Variants in CLVS1 observed in about 807,000 individuals in gnomAD.
CLVS1 encodes clavesin 1, also known as clavesin-1.
A neutral mutation model predicts 33.1 loss-of-function variants in CLVS1; 10 were observed. The ratio of observed to expected loss-of-function variants is 0.30; its 90% CI spans 0.19 to 0.51. The LOEUF is 0.51. CLVS1 is among the 20% of genes least tolerant of loss of function. The pLI, the probability that CLVS1 is intolerant of heterozygous loss-of-function variation, is 0.97. For missense variants in CLVS1, 343 were observed against 433.4 expected (o/e 0.79, Z 1.85); for synonymous variants, 163 against 166.1 (o/e 0.98, Z 0.14).
the CLVS1 span, among the ~76,000 whole-genome samples, chr8:61,024,009 C>T: frequency 1.1e-4 from 16 of 152,276 alleles, no homozygotes; most frequent in African/African-American, 3.9e-4. Flanking sequence ...TGCTGTGTCC[C>T]GGCGTATCTG....
upstream of CLVS1, among the ~76,000 whole-genome samples, chr8:61,286,604 A>T (rs1374779308): frequency 1.3e-5 from 2 of 152,240 alleles, no homozygotes; most frequent in Non-Finnish European, 2.9e-5. Context: ...CACACAAATT[A>T]TCTGCCACAT....
At chr8:61,482,134 G>A (rs969811077) in intron 5 of CLVS1, among the ~76,000 whole-genome samples, 5 of 152,240 alleles carry the variant, frequency 3.3e-5, no homozygotes, top group African/African-American at 1.2e-4. Flanking sequence ...GCAGCTGAGG[G>A]TCCTGACTGT....
chr8:61,143,185 T>C (rs1806341924), intron 2 of CLVS1, among the ~76,000 whole-genome samples: 1 of 152,064 alleles, frequency 6.6e-6, no homozygotes, highest in Admixed American at 6.5e-5. Flanking sequence ...TAATCTTAAT[T>C]TTGGATAAAA....
At chr8:61,362,150 CAG>C (rs1813006494) in intron 2 of CLVS1, among the ~76,000 whole-genome samples, 1 of 152,154 alleles carries the variant, frequency 6.6e-6, no homozygotes, top group South Asian at 2.1e-4. Context: ...GAAAAGGGCT[CAG>C]AGTTTGGTCA....
At chr8:61,363,960 C>T (rs1293232127) in intron 2 of CLVS1, among the ~76,000 whole-genome samples, 1 of 152,144 alleles carries the variant, frequency 6.6e-6, no homozygotes, top group Non-Finnish European at 1.5e-5. Flanking sequence ...CATCTCTATC[C>T]TGACACATCT....
intron 1 of CLVS1, among the ~76,000 whole-genome samples, chr8:61,083,211 A>T (rs1386190156): frequency 6.6e-6 from 1 of 152,214 alleles, no homozygotes; most frequent in Non-Finnish European, 1.5e-5. Context: ...GGACTCGGTA[A>T]CTATACGTGC....
chr8:61,142,266 C>T lies in CLVS1; in HGVS notation c.-152+10406C>T, dbSNP rs985791873. ...GTTTAAAATGTGGCACATTCCCTCT[C>T]TGTCTCTTTCTTGCTGCCATGTAAG... On this transcript the variant is annotated intron_variant, in intron 2 of 2. Coordinates refer to the CLVS1 transcript ENST00000522621. 3.1e-4 allele frequency among the ~76,000 whole-genome samples: 47 copies of T among 152,312 alleles called. 1 individual carries two copies. Among genetic ancestry groups the T allele is most frequent in the Admixed American group, 2.8e-3 (43 of 15,290 alleles).
rs1259378447 is a variant in CLVS1 at position 61,500,146 on chromosome 8, AATT to A, written c.*608_*610del. 4.6e-5 allele frequency: 7 copies of A among 152,638 alleles called. No homozygotes were observed. The highest frequency in any genetic ancestry group is 1.7e-4 in the African/African-American group (7 of 41,450). 9.5% of individuals were successfully genotyped at this position (152,638 alleles called of 1,614,324 possible). A position where few individuals can be genotyped will look rare whatever the true frequency, so the allele number is the denominator to read the frequency against. On this transcript the variant is annotated 3_prime_UTR_variant, in exon 6 of 6. Transcript: ENST00000325897. ...CTTATTTTGATGATATCCTGCAAAA[AATT>A]ATTTTGATGTCACATCTCTTGTCAG...
chr8:61,177,484 A>G (rs577701721), intron 2 of CLVS1, among the ~76,000 whole-genome samples: 12 of 152,242 alleles, frequency 7.9e-5, no homozygotes, highest in Middle Eastern at 3.4e-3. Context: ...GGGACAATCA[A>G]AGTGCTTTGT....
At chr8:61,251,338 C>T (rs1808943435) in intron 2 of CLVS1, among the ~76,000 whole-genome samples, 1 of 152,174 alleles carries the variant, frequency 6.6e-6, no homozygotes, top group Non-Finnish European at 1.5e-5. Context: ...AGGATTTTCG[C>T]ATCTATGTTC....
intron 1 of CLVS1, among the ~76,000 whole-genome samples, chr8:61,107,083 A>G (rs959755629): frequency 1.3e-5 from 2 of 152,214 alleles, no homozygotes; most frequent in Non-Finnish European, 2.9e-5. Context: ...TGGATTTTAG[A>G]CACTTCCATT....
At chr8:61,269,977 C>G (rs1225611037) in intron 2 of CLVS1, among the ~76,000 whole-genome samples, 4 of 148,348 alleles carry the variant, frequency 2.7e-5, no homozygotes. Context: ...AATTTGACTT[C>G]CTCTTTTCCT....
the CLVS1 span, among the ~76,000 whole-genome samples, chr8:60,994,184 A>T: frequency 6.6e-6 from 1 of 152,120 alleles, no homozygotes; most frequent in Non-Finnish European, 1.5e-5. Context: ...TTCTCCCTGT[A>T]TCTTCACGTG....
intron 2 of CLVS1, among the ~76,000 whole-genome samples, chr8:61,161,119 A>G (rs1479753971): frequency 1.3e-5 from 2 of 152,220 alleles, no homozygotes; most frequent in Non-Finnish European, 2.9e-5. Flanking sequence ...AAGCAAAGCC[A>G]CAATGAAGTA....
chr8:61,133,727 T>C (rs1188181041), intron 2 of CLVS1, among the ~76,000 whole-genome samples: 1 of 152,108 alleles, frequency 6.6e-6, no homozygotes, highest in Non-Finnish European at 1.5e-5. Flanking sequence ...TAGGAGGTCA[T>C]TGTGCTTAAG....
chr8:61,279,936 G>T (rs1289340669), intron 2 of CLVS1, among the ~76,000 whole-genome samples: 1 of 151,972 alleles, frequency 6.6e-6, no homozygotes, highest in East Asian at 1.9e-4. Flanking sequence ...TGTCATGGAG[G>T]TATAAAATTA....
chr8:61,080,193 G>A (rs1320353957), intron 1 of CLVS1, among the ~76,000 whole-genome samples: 1 of 152,122 alleles, frequency 6.6e-6, no homozygotes, highest in Non-Finnish European at 1.5e-5. Flanking sequence ...GTGGCTTAAG[G>A]TGCATAATTT....
intron 2 of CLVS1, among the ~76,000 whole-genome samples, chr8:61,212,697 A>G (rs995680353): frequency 2.7e-4 from 41 of 152,214 alleles, no homozygotes; most frequent in Admixed American, 2.4e-3. Flanking sequence ...AAATTCCTTA[A>G]GGCCACAGAG....
rs76990531 is a variant in CLVS1 at position 61,233,022 on chromosome 8, A to T, written c.-151-66655A>T. Among the ~76,000 whole-genome samples, 816 of 152,348 alleles carry T rather than the reference A, an allele frequency of 5.4e-3. 5 individuals carry two copies. The highest frequency in any genetic ancestry group is 0.018 in the African/African-American group (765 of 41,584). ...AAAATATGTTTTTTAAGCATATCTG[A>T]AGAAGATAGTAATTGTGTTAACACT... On this transcript the variant is annotated intron_variant, in intron 2 of 2. Transcript: ENST00000522621.
Sources: allele counts gnomAD v4.1 joint callset (sites outside exome capture counted in the v4.1 genomes callset), GRCh38; gene constraint gnomAD v4.1.1; transcripts MANE v1.5; gene names NCBI Gene and HGNC (gene_info 2026-07-23, HGNC 2026-07-21).